The following HOXB3 variants were observed in gnomAD, a reference collection of about 807,000 sequenced individuals.
HOXB3 encodes homeobox B3.
Under a neutral mutation model 29.2 loss-of-function variants are expected in HOXB3, and 17 were observed. The ratio of observed to expected loss-of-function variants is 0.58; its 90% CI spans 0.40 to 0.87. The LOEUF is 0.87. HOXB3 is among the 40% of genes least tolerant of loss of function. HOXB3 has a pLI of 0.00. For missense variants in HOXB3, 637 were observed against 616.3 expected (o/e 1.03, Z -0.35); for synonymous variants, 317 against 285.9 (o/e 1.11, Z -1.10).
intron 1 of HOXB3, among the ~76,000 whole-genome samples, chr17:48,588,568 A>G (rs761730789): frequency 6.6e-6 from 1 of 152,218 alleles, no homozygotes; most frequent in African/African-American, 2.4e-5. Flanking sequence ...CTTTGTCTGC[A>G]TGTCTGTCAA....
At position 48,550,999 on chromosome 17, in the gene HOXB3, G is replaced by C; in HGVS notation, c.631C>G (p.Arg211Gly). The C allele has an allele frequency of 1.9e-6, 3 of 1,613,238 alleles. No homozygotes were observed. The highest frequency in any genetic ancestry group is 8.5e-7 in the Non-Finnish European group (1 of 1,179,442). Reference protein sequence around the residue: ...VELEKEFHFNRYLCRPRRVEM... With the variant: ...VELEKEFHFNGYLCRPRRVEM... ...ACACGGCGAGGCCGGCACAGGTAGCGGTTAAAATGGAACTCCTTCTCCAGC... is the reference window on the plus strand; with the variant it reads ...ACACGGCGAGGCCGGCACAGGTAGCCGTTAAAATGGAACTCCTTCTCCAGC... Residue 211 changes from arginine (R) to glycine (G), a missense_variant, in exon 5 of 5, where the codon CGC (arginine) becomes GGC (glycine). By Grantham distance (125) the Arg-to-Gly change is moderately radical. Transcript: ENST00000498678.
chr17:48,564,337 CA>C (rs1369540136), intron 2 of HOXB3, among the ~76,000 whole-genome samples: 1 of 151,968 alleles, frequency 6.6e-6, no homozygotes, highest in Non-Finnish European at 1.5e-5. Flanking sequence ...CAGCCAGCCG[CA>C]TCCTAGTCGC....
Position 48,552,546 on chromosome 17 carries a change from C to A in HOXB3, c.-72G>T. ...TACCCTCAGGACCGGACATTGGCAA[C>A]CCTGGGGGTCACGTGACACGCCGGA... On this transcript the variant is annotated 5_prime_UTR_variant, in exon 4 of 5. Coordinates refer to ENST00000498678, the MANE Select transcript of HOXB3 (RefSeq NM_001384749.1). 3 of 1,237,298 alleles carry A rather than the reference C, an allele frequency of 2.4e-6. No individual in the cohort carries two copies. Among genetic ancestry groups the A allele is most frequent in the Non-Finnish European group, 3.4e-6 (3 of 895,390 alleles). The allele number at this position is 1,237,298 out of a possible 1,614,324, so 76.6% of individuals were successfully genotyped here.
rs2069673199 is a variant in HOXB3 at position 48,573,973 on chromosome 17, G to A, written c.-383C>T. The A allele has an allele frequency of 5.9e-6, 4 of 680,062 alleles. No homozygotes were observed. In the South Asian group the frequency reaches 6.3e-5, roughly 11 times the overall value. The allele number at this position is 680,062 out of a possible 1,614,324, so 42.1% of individuals were successfully genotyped here. ...CCCCCTTGCAGATCCGGGAGAGACG[G>A]CTAACACTTTTTTCCCCCAACAGCC... is the stretch of plus-strand genomic sequence containing the variant. On this transcript the variant is annotated 5_prime_UTR_variant, in exon 2 of 5. Transcript: ENST00000498678.
intron 2 of HOXB3, among the ~76,000 whole-genome samples, chr17:48,567,472 A>G (rs559268615): frequency 6.6e-6 from 1 of 152,178 alleles, no homozygotes; most frequent in East Asian, 1.9e-4. Context: ...GGCCCTCTGC[A>G]CCTCATCCAT....
At chr17:48,582,743 C>G (rs769860100) in intron 1 of HOXB3, 13 of 152,242 alleles carry the variant, frequency 8.5e-5, no homozygotes, top group Non-Finnish European at 1.5e-4. Flanking sequence ...TTCGCCAGAG[C>G]CTTCTCTTCT....
chr17:48,576,913 G>C (rs751342746), intron 1 of HOXB3: 1 of 1,614,248 alleles, frequency 6.2e-7, no homozygotes, highest in Non-Finnish European at 8.5e-7. Context: ...CTCCGGCGCC[G>C]TGTCAGGTAG....
chr17:48,567,315 C>T (rs9906289), intron 2 of HOXB3, among the ~76,000 whole-genome samples: 8,754 of 152,256 alleles, frequency 0.057, 324 homozygotes, highest in African/African-American at 0.1. Flanking sequence ...CACCTGGGCG[C>T]GGCGTTGCTC....
Position 48,552,380 on chromosome 17 carries a change from G to A in HOXB3, c.95C>T (p.Pro32Leu), listed in dbSNP as rs776408485. ...PGSNGFGFDV[P>L]PQPPFQAATH... is the part of the protein sequence containing the mutation. ...GGCGGCCTGAAATGGGGGTTGGGGG[G>A]GGACATCGAAGCCGAAGCCATTGCT... is the stretch of plus-strand genomic sequence containing the variant. The change falls in exon 4 of 5, where the codon CCC (proline) becomes CTC (leucine). Residue 32 changes from proline (P) to leucine (L), a missense_variant. Coordinates refer to ENST00000498678, the MANE Select transcript of HOXB3 (RefSeq NM_001384749.1). 3.7e-6 allele frequency: 6 copies of A among 1,613,404 alleles called. No individual in the cohort carries two copies. The highest frequency in any genetic ancestry group is 2.2e-5 in the South Asian group (2 of 91,026).
chr17:48,571,279 C>T (rs2069577823), intron 2 of HOXB3, among the ~76,000 whole-genome samples: 1 of 152,224 alleles, frequency 6.6e-6, no homozygotes, highest in Non-Finnish European at 1.5e-5. Flanking sequence ...AGAAACTTCC[C>T]AACTCCGTTT....
intron 1 of HOXB3, chr17:48,576,577 G>C: frequency 1.6e-6 from 1 of 640,446 alleles, no homozygotes. Context: ...CCTCTTCTGC[G>C]TTTATTCGTA....
rs1265433731 is a variant in HOXB3 at position 48,552,112 on chromosome 17, G to C, written c.363C>G (p.Thr121=). The C allele has an allele frequency of 2.4e-5, 38 of 1,613,566 alleles. No individual in the cohort carries two copies. The highest frequency in any genetic ancestry group is 3.1e-5 in the Non-Finnish European group (36 of 1,179,748). ...ATATCTGTTTGGTGAGGGTGGAGTT[G>C]GTGCCGGGACCGCACTTTGGGGGAC... The part of the protein sequence containing the change: ...KSGPPKCGPG[T]NSTLTKQIFP... Residue 121 remains threonine (T), a synonymous_variant, in exon 4 of 5, where the codon ACC becomes ACG. Transcript: ENST00000498678.
intron 1 of HOXB3, chr17:48,576,869 C>G (rs773651269): frequency 3.1e-6 from 5 of 1,614,242 alleles, no homozygotes; most frequent in Middle Eastern, 1.6e-4. Flanking sequence ...TGATCTGGCG[C>G]TCGGAGAGGC....
chr17:48,577,782 C>G (rs188347411), intron 1 of HOXB3: 7 of 1,227,872 alleles, frequency 5.7e-6, no homozygotes, highest in African/African-American at 3.2e-5. Flanking sequence ...CCAGCTCAAC[C>G]CCCCCCCAAC....
chr17:48,569,494 G>C (rs959692749), intron 2 of HOXB3, among the ~76,000 whole-genome samples: 1 of 141,232 alleles, frequency 7.1e-6, no homozygotes, highest in Non-Finnish European at 1.5e-5. Flanking sequence ...CTGCAGGGGC[G>C]TCTAGGGGGT....
chr17:48,588,038 G>C (rs2070079272), intron 1 of HOXB3, among the ~76,000 whole-genome samples: 1 of 152,230 alleles, frequency 6.6e-6, no homozygotes, highest in Non-Finnish European at 1.5e-5. Context: ...CAAAGCCCTG[G>C]AGAGAGTAGA....
At chr17:48,575,071 C>A (rs914077080) in intron 1 of HOXB3, 8 of 152,216 alleles carry the variant, frequency 5.3e-5, no homozygotes, top group Non-Finnish European at 1.0e-4. Flanking sequence ...AAGAGGCCAG[C>A]CTCATGGAAT....
chr17:48,579,813 T>A (rs1192229712), intron 1 of HOXB3: 1 of 454,440 alleles, frequency 2.2e-6, no homozygotes. Context: ...TACATATATA[T>A]ATATTTTTTT....
In HOXB3 at chr17:48,550,716, G is replaced by A; in HGVS notation, c.914C>T (p.Pro305Leu). 3 of 1,553,614 alleles carry A rather than the reference G, an allele frequency of 1.9e-6. No homozygotes were observed. Among genetic ancestry groups the A allele is most frequent in the Non-Finnish European group, 2.6e-6 (3 of 1,148,370 alleles). Residue 305 changes from proline (P) to leucine (L), a missense_variant, in exon 5 of 5, where the codon CCC becomes CTC. Physicochemically the swap from Pro to Leu is moderately conservative, Grantham distance 98. Transcript: ENST00000498678. The stretch of plus-strand genomic sequence containing the variant: ...TTTGAGAGGGGGCTGGTAGTTGGAG[G>A]GCAGCGCGTAGGCATTCTGGTGGGC... Reference protein sequence around the residue: ...GKAHQNAYALPSNYQPPLKGC... With the variant: ...GKAHQNAYALLSNYQPPLKGC...
Sources: gnomAD v4.1 joint callset for allele counts (sites outside exome capture counted in the v4.1 genomes callset) on GRCh38, gnomAD v4.1.1 for gene constraint, MANE v1.5 for transcripts, NCBI Gene and HGNC (gene_info 2026-07-23, HGNC 2026-07-21) for gene names.